Variants in RDH12 observed in about 807,000 individuals in gnomAD.
The protein encoded by RDH12 is retinol dehydrogenase 12, also known as all-trans and 9-cis retinol dehydrogenase.
In RDH12, 21 loss-of-function variants were observed where a neutral mutation model predicts 34.0. The ratio of observed to expected loss-of-function variants is 0.62; its 90% CI spans 0.44 to 0.89. The LOEUF is 0.89. Among genes scored for constraint, RDH12 ranks in the 40% least tolerant of loss-of-function variants. The pLI is 0.00. For synonymous variants in RDH12, 198 were observed against 169.9 expected, an observed-to-expected ratio of 1.17 and a Z score of -1.29; for missense variants, 394 against 398.6, an observed-to-expected ratio of 0.99 and a Z score of 0.10.
At chr14:67,702,941 G>T (rs1160019159) in intron 1 of RDH12, among the ~76,000 whole-genome samples, 3 of 152,242 alleles carry the variant, frequency 2.0e-5, no homozygotes, top group African/African-American at 7.2e-5. Flanking sequence ...AGCCTCCTGA[G>T]TACCTGGGAC....
chr14:67,709,034 G>A (rs552113411), intron 1 of RDH12, among the ~76,000 whole-genome samples: 7 of 152,228 alleles, frequency 4.6e-5, no homozygotes, highest in African/African-American at 1.2e-4. Flanking sequence ...CTCATGATCC[G>A]CTGGCCTTGG....
chr14:67,713,119 T>C (rs1474123351), intron 1 of RDH12, among the ~76,000 whole-genome samples: 3 of 152,086 alleles, frequency 2.0e-5, no homozygotes, highest in Non-Finnish European at 2.9e-5. Context: ...AGCACTCTAA[T>C]GGTAAGCAGA....
chr14:67,724,048 C>A (rs2038155686), intron 3 of RDH12, among the ~76,000 whole-genome samples: 1 of 152,220 alleles, frequency 6.6e-6, no homozygotes, highest in Non-Finnish European at 1.5e-5. Context: ...GAGTGCTGTT[C>A]ATCAGTTACT....
chr14:67,727,222 G>A (rs764346970), intron 7 of RDH12, 32 bp downstream of exon 7: 4 of 1,576,506 alleles, frequency 2.5e-6, no homozygotes, highest in African/African-American at 2.7e-5. Context: ...TAGCAAAAAT[G>A]GTCCTCAGAC....
At position 67,734,124 on chromosome 14, in the gene RDH12, C is replaced by T; in HGVS notation, c.*276C>T. ...GCAGCAGGACTGGGCAGATCCCAGG[C>T]TGGGCATGGGGGTGGCAGAAGAGCC... On this transcript the variant is annotated 3_prime_UTR_variant, in exon 9 of 9. Coordinates refer to ENST00000551171, the MANE Select transcript of RDH12 (RefSeq NM_152443.3). 2.9e-6 allele frequency: 1 copy of T among 350,088 alleles called. No individual in the cohort carries two copies. Among genetic ancestry groups the T allele is most frequent in the Non-Finnish European group, 5.6e-6 (1 of 179,334 alleles). The allele number at this position is 350,088 out of a possible 1,614,324, so 21.7% of individuals were successfully genotyped here.
chr14:67,711,889 A>C (rs529694612), intron 1 of RDH12, among the ~76,000 whole-genome samples: 1 of 152,316 alleles, frequency 6.6e-6, no homozygotes, highest in South Asian at 2.1e-4. Context: ...ATAGGATTGT[A>C]TAAGGAGACA....
intron 2 of RDH12, among the ~76,000 whole-genome samples, chr14:67,721,738 G>GAT (rs3039650): frequency 4.9e-4 from 72 of 147,038 alleles, no homozygotes; most frequent in African/African-American, 1.6e-3. Context: ...AACAAGTGGG[G>GAT]ATATATATAT....
At chr14:67,709,084 C>T (rs2037982457) in intron 1 of RDH12, among the ~76,000 whole-genome samples, 1 of 152,104 alleles carries the variant, frequency 6.6e-6, no homozygotes, top group Admixed American at 6.5e-5. Flanking sequence ...AGCCACTGTG[C>T]CAGGCCCAAC....
intron 4 of RDH12, 118 bp downstream of exon 4, chr14:67,724,709 C>A: frequency 1.2e-6 from 1 of 818,288 alleles, no homozygotes; most frequent in Middle Eastern, 3.0e-4. Flanking sequence ...ACTAGAAATT[C>A]AAGGAACCTG....
chr14:67,705,173 T>C (rs12435352), intron 1 of RDH12, among the ~76,000 whole-genome samples: 13,424 of 152,236 alleles, frequency 0.088, 865 homozygotes, highest in East Asian at 0.23. Flanking sequence ...AATGATTTTA[T>C]AAGAAAGTTT....
At chr14:67,721,635 G>T (rs912307706) in intron 2 of RDH12, among the ~76,000 whole-genome samples, 1 of 151,892 alleles carries the variant, frequency 6.6e-6, no homozygotes, top group South Asian at 2.1e-4. Flanking sequence ...AGGGAGATAC[G>T]AATCAGAACA....
chr14:67,730,621 G>C (rs1043781944), intron 8 of RDH12, among the ~76,000 whole-genome samples: 1 of 150,402 alleles, frequency 6.6e-6, no homozygotes, highest in Non-Finnish European at 1.5e-5. Flanking sequence ...ATTTTTTTTT[G>C]AGATGGATTT....
At chr14:67,727,720 G>A (rs1319751829) in intron 7 of RDH12, 1 of 181,574 alleles carries the variant, frequency 5.5e-6, no homozygotes, top group Non-Finnish European at 1.2e-5. Flanking sequence ...GACCTCAGGT[G>A]ATCTGGCAGA....
intron 1 of RDH12, among the ~76,000 whole-genome samples, chr14:67,713,430 G>T (rs2038033124): frequency 6.8e-6 from 1 of 146,850 alleles, no homozygotes; most frequent in African/African-American, 2.5e-5. Context: ...AAAAAGAGGG[G>T]ATGTACAGCA....
At chr14:67,716,183 T>C (rs1264835889) in intron 1 of RDH12, among the ~76,000 whole-genome samples, 2 of 143,450 alleles carry the variant, frequency 1.4e-5, no homozygotes, top group African/African-American at 2.6e-5. Flanking sequence ...GACGACAGAG[T>C]GAGACTCCGT....
Position 67,728,004 on chromosome 14 carries a change from CATGTGGATGTGG to C in RDH12, c.658+826_658+837del, listed in dbSNP as rs560983115. ...TTCTTGCTCTACCACATGCTAGCCG[CATGTGGATGTGG>C]ATGTGGATGTGCCCCTTTAACCTCC... On this transcript the variant is annotated intron_variant, in intron 7 of 8. Coordinates refer to ENST00000551171, the MANE Select transcript of RDH12 (RefSeq NM_152443.3). 14 of 152,412 alleles carry C rather than the reference CATGTGGATGTGG, an allele frequency of 9.2e-5. No homozygotes were observed. In the East Asian group the frequency reaches 2.5e-3, roughly 27 times the overall value. The allele number at this position is 152,412 out of a possible 1,614,324, so 9.4% of individuals were successfully genotyped here.
At chr14:67,731,172 C>A in intron 8 of RDH12, among the ~76,000 whole-genome samples, 1 of 148,846 alleles carries the variant, frequency 6.7e-6, no homozygotes, top group Admixed American at 6.7e-5. Flanking sequence ...ACATATGTGG[C>A]TCACAATTGT....
chr14:67,710,484 T>C (rs1295405409), intron 1 of RDH12, among the ~76,000 whole-genome samples: 2 of 152,216 alleles, frequency 1.3e-5, no homozygotes, highest in Admixed American at 6.5e-5. Context: ...CAGTTTGTCT[T>C]GAACATCCCT....
chr14:67,733,801 C>T lies in RDH12; in HGVS notation c.904C>T (p.Arg302Cys), dbSNP rs747119209. The T allele has an allele frequency of 4.3e-6, 7 of 1,613,284 alleles. No homozygotes were observed. Among genetic ancestry groups the T allele is most frequent in the East Asian group, 4.5e-5 (2 of 44,866 alleles). The change falls in exon 9 of 9, where the codon CGC becomes TGC. Residue 302 changes from arginine to cysteine, a missense_variant. Physicochemically the swap from Arg to Cys is radical, Grantham distance 180. Transcript: ENST00000551171. ...GGCCCGAAATAACAAAACAGCTGAG[C>T]GCCTATGGAATGTCAGCTGTGAGCT... ...PRARNNKTAE[R>C]LWNVSCELLG... is the part of the protein sequence containing the mutation.
Sources: gnomAD v4.1 joint callset for allele counts (sites outside exome capture counted in the v4.1 genomes callset) on GRCh38, gnomAD v4.1.1 for gene constraint, MANE v1.5 for transcripts, NCBI Gene and HGNC (gene_info 2026-07-23, HGNC 2026-07-21) for gene names.